The following ADGRB3 variants were observed in gnomAD, a reference collection of about 807,000 sequenced individuals.
ADGRB3 encodes adhesion G protein-coupled receptor B3.
ADGRB3 carries 37 observed loss-of-function variants against 193.4 expected under a neutral mutation model. The observed-to-expected ratio is 0.19, with a 90% CI of 0.15 to 0.25. ADGRB3 has a LOEUF of 0.25. ADGRB3 is among the 10% of genes least tolerant of loss of function. The pLI, the probability that ADGRB3 is intolerant of heterozygous loss-of-function variation, is 1.00. For synonymous variants in ADGRB3, 690 were observed against 644.2 expected, an observed-to-expected ratio of 1.07 and a Z score of -1.08; for missense variants, 1,637 against 1,852.9, an observed-to-expected ratio of 0.88 and a Z score of 2.14.
chr6:69,259,445 C>T (rs573335697), intron 20 of ADGRB3, among the ~76,000 whole-genome samples: 2 of 152,252 alleles, frequency 1.3e-5, no homozygotes, highest in African/African-American at 4.8e-5. Context: ...CCTGTAATCT[C>T]AGCATTTTGG....
chr6:69,053,105 G>A (rs933933531), intron 15 of ADGRB3, among the ~76,000 whole-genome samples: 16 of 152,068 alleles, frequency 1.1e-4, no homozygotes, highest in Admixed American at 5.2e-4. Context: ...AGAATCACTC[G>A]AATCTCAGAG....
intron 3 of ADGRB3, among the ~76,000 whole-genome samples, chr6:68,679,577 A>G (rs1302954069): frequency 1.3e-5 from 2 of 152,078 alleles, no homozygotes; most frequent in African/African-American, 2.4e-5. Context: ...GAGAAGCACA[A>G]ATTTTGGTGG....
intron 3 of ADGRB3, among the ~76,000 whole-genome samples, chr6:68,926,866 T>C (rs1167074698): frequency 6.6e-6 from 1 of 152,198 alleles, no homozygotes; most frequent in Non-Finnish European, 1.5e-5. Context: ...TATTTGTTTT[T>C]TAATGATCTA....
At chr6:68,901,428 C>G (rs1325354127) in intron 3 of ADGRB3, among the ~76,000 whole-genome samples, 1 of 152,102 alleles carries the variant, frequency 6.6e-6, no homozygotes, top group East Asian at 1.9e-4. Flanking sequence ...CTTTTTATAA[C>G]CCAATCATCA....
At chr6:69,042,289 A>G (rs1017740824) in intron 13 of ADGRB3, among the ~76,000 whole-genome samples, 1 of 152,160 alleles carries the variant, frequency 6.6e-6, no homozygotes, top group Non-Finnish European at 1.5e-5. Context: ...GAACAGCCTA[A>G]TACACTAAGA....
intron 3 of ADGRB3, among the ~76,000 whole-genome samples, chr6:68,778,466 G>A (rs943560327): frequency 6.6e-6 from 1 of 152,042 alleles, no homozygotes; most frequent in African/African-American, 2.4e-5. Context: ...GGTATATTTA[G>A]AATACTAAAC....
intron 17 of ADGRB3, among the ~76,000 whole-genome samples, chr6:69,082,656 T>C (rs369619823): frequency 1.6e-4 from 24 of 152,296 alleles, no homozygotes; most frequent in African/African-American, 5.5e-4. Context: ...TAGGTTTTTC[T>C]TTTATGCATA....
intron 17 of ADGRB3, among the ~76,000 whole-genome samples, chr6:69,079,160 T>C (rs1772317510): frequency 6.6e-6 from 1 of 152,104 alleles, no homozygotes; most frequent in South Asian, 2.1e-4. Flanking sequence ...AGGCATTTTA[T>C]TTTACTATCA....
intron 3 of ADGRB3, among the ~76,000 whole-genome samples, chr6:68,832,756 T>C (rs1044001645): frequency 3.0e-4 from 45 of 152,140 alleles, no homozygotes; most frequent in African/African-American, 9.7e-4. Flanking sequence ...CTGTGCAATA[T>C]TGGTTAAAAA....
intron 3 of ADGRB3, among the ~76,000 whole-genome samples, chr6:68,661,538 C>CATATAT (rs66836065): frequency 0.029 from 2,672 of 91,640 alleles, 328 homozygotes; most frequent in East Asian, 0.1. Context: ...TATGTGTATA[C>CATATAT]ATATATATAT....
intron 26 of ADGRB3, among the ~76,000 whole-genome samples, chr6:69,343,604 T>C (rs58607458): frequency 0.17 from 26,178 of 152,074 alleles, 2,678 homozygotes; most frequent in African/African-American, 0.28. Flanking sequence ...CCTTCAGACC[T>C]AAAATCTTAA....
At chr6:69,054,623 G>T (rs2150304478) in intron 15 of ADGRB3, among the ~76,000 whole-genome samples, 1 of 152,266 alleles carries the variant, frequency 6.6e-6, no homozygotes, top group South Asian at 2.1e-4. Context: ...GTAGCTTATA[G>T]TATAAAATAT....
In ADGRB3 at chr6:68,781,613, A is replaced by G. The variant is rs1433886978; in HGVS notation, c.757+142181A>G. The stretch of plus-strand genomic sequence containing the variant: ...ATATTCATACCAGATAAATCAATAG[A>G]GGAAATTTAATATGGATAATTTAAT... On this transcript the variant is annotated intron_variant, in intron 3 of 31. Coordinates refer to ENST00000370598, the MANE Select transcript of ADGRB3 (RefSeq NM_001704.3). Among the ~76,000 whole-genome samples, 4 of 152,218 alleles carry G rather than the reference A, an allele frequency of 2.6e-5. No homozygotes were observed. In the East Asian group the frequency reaches 7.7e-4, roughly 29 times the overall value.
chr6:69,040,656 C>T (rs28707226), intron 13 of ADGRB3, among the ~76,000 whole-genome samples: 1 of 92,840 alleles, frequency 1.1e-5, no homozygotes, highest in Non-Finnish European at 2.0e-5. Context: ...GATGCCCAGG[C>T]TTTGAAATGA....
chr6:68,898,646 A>G (rs1012359513), intron 3 of ADGRB3, among the ~76,000 whole-genome samples: 7 of 152,120 alleles, frequency 4.6e-5, no homozygotes, highest in Non-Finnish European at 7.4e-5. Context: ...CAAAGAGTAC[A>G]GTGTGGAAAA....
At chr6:68,839,296 G>A (rs1344151596) in intron 3 of ADGRB3, among the ~76,000 whole-genome samples, 2 of 152,092 alleles carry the variant, frequency 1.3e-5, no homozygotes, top group African/African-American at 4.8e-5. Flanking sequence ...CCATTCCTCT[G>A]CTCCAGTGTT....
intron 3 of ADGRB3, among the ~76,000 whole-genome samples, chr6:68,813,084 G>T (rs1582222110): frequency 6.6e-6 from 1 of 152,064 alleles, no homozygotes; most frequent in South Asian, 2.1e-4. Flanking sequence ...AGGGACCCAG[G>T]GGGAGGTCAT....
At chr6:68,955,017 G>T (rs1388070858) in intron 6 of ADGRB3, among the ~76,000 whole-genome samples, 2 of 152,048 alleles carry the variant, frequency 1.3e-5, no homozygotes, top group Admixed American at 1.3e-4. Context: ...TAACACAGCT[G>T]ATGAAAGTTT....
intron 3 of ADGRB3, among the ~76,000 whole-genome samples, chr6:68,749,600 T>A (rs190209347): frequency 6.6e-6 from 1 of 152,256 alleles, no homozygotes; most frequent in African/African-American, 2.4e-5. Context: ...TGTGCATCTG[T>A]CCAATTACTC....
Sources: allele counts gnomAD v4.1 joint callset (sites outside exome capture counted in the v4.1 genomes callset), GRCh38; gene constraint gnomAD v4.1.1; transcripts MANE v1.5; gene names NCBI Gene and HGNC (gene_info 2026-07-23, HGNC 2026-07-21).